The following PIAS2 variants were observed in gnomAD, a reference collection of about 807,000 sequenced individuals.
PIAS2 encodes the protein protein inhibitor of activated STAT 2, also known as E3 SUMO-protein ligase PIAS2.
Under a neutral mutation model 69.7 loss-of-function variants are expected in PIAS2, and 19 were observed. The observed-to-expected ratio is 0.27, with a 90% CI of 0.19 to 0.40. The LOEUF is 0.40. Ranked by LOEUF, PIAS2 falls within the 10% of genes least tolerant of loss-of-function variation. The probability of loss-of-function intolerance (pLI) is 1.00; values close to 1 mark genes in which losing one functional copy is unlikely to be tolerated. For synonymous variants in PIAS2, 261 were observed against 263.2 expected (o/e 0.99, Z 0.08); for missense variants, 624 against 757.0 (o/e 0.82, Z 2.06).
intron 3 of PIAS2, among the ~76,000 whole-genome samples, chr18:46,859,048 A>C (rs2032215): frequency 0.57 from 86,302 of 151,974 alleles, 25,168 homozygotes; most frequent in African/African-American, 0.7. Context: ...AATTCACTTT[A>C]TACTTAGTAT....
intron 1 of PIAS2, among the ~76,000 whole-genome samples, chr18:46,899,023 A>G (rs570688529): frequency 6.6e-6 from 1 of 152,092 alleles, no homozygotes; most frequent in African/African-American, 2.4e-5. Flanking sequence ...TGAATAAATT[A>G]AACAGACTGT....
chr18:46,898,612 A>T lies in PIAS2; in HGVS notation c.25-7558T>A, dbSNP rs542215355. ...TTTCAAATGGCTGAAAAAGAGTATTAAAAAAACCGAAGTAACACAAAAACA... is the reference window on the plus strand; with the variant it reads ...TTTCAAATGGCTGAAAAAGAGTATTTAAAAAACCGAAGTAACACAAAAACA... On this transcript the variant is annotated intron_variant, in intron 1 of 13. Transcript: ENST00000585916. 2.6e-4 allele frequency among the ~76,000 whole-genome samples: 39 copies of T among 152,334 alleles called. No homozygotes were observed. The South Asian group carries it at 8.1e-3, about 32-fold the overall frequency.
At chr18:46,865,805 C>T (rs2049358662) in intron 2 of PIAS2, among the ~76,000 whole-genome samples, 1 of 152,042 alleles carries the variant, frequency 6.6e-6, no homozygotes, top group African/African-American at 2.4e-5. Context: ...AAGATGAAGG[C>T]CAAAAAGTAA....
chr18:46,831,816 T>C lies in PIAS2; in HGVS notation c.1203-1949A>G, dbSNP rs1315014802. ...TACATAAAAATTAACTTGATAGAAA[T>C]AATAAACCTAAGTGTAAAAGTAAAT... On this transcript the variant is annotated intron_variant, in intron 9 of 13. Transcript: ENST00000585916. Among the ~76,000 whole-genome samples the C allele has an allele frequency of 3.3e-5, 5 of 152,110 alleles. No homozygotes were observed. The South Asian group carries it at 1.0e-3, about 31-fold the overall frequency.
chr18:46,899,068 T>C (rs1055091919), intron 1 of PIAS2, among the ~76,000 whole-genome samples: 5 of 150,868 alleles, frequency 3.3e-5, no homozygotes, highest in Non-Finnish European at 5.9e-5. Context: ...TACTCAACAC[T>C]GAAAAGGTAT....
At chr18:46,876,525 A>T (rs2051217229) in intron 2 of PIAS2, among the ~76,000 whole-genome samples, 1 of 152,214 alleles carries the variant, frequency 6.6e-6, no homozygotes, top group Admixed American at 6.5e-5. Context: ...AGCATTAGAC[A>T]TGATACTAGC....
At chr18:46,883,101 A>C (rs1395673677) in intron 2 of PIAS2, among the ~76,000 whole-genome samples, 2 of 151,396 alleles carry the variant, frequency 1.3e-5, no homozygotes, top group East Asian at 3.9e-4. Flanking sequence ...CCGTCTCAAA[A>C]GAAAAAAAAA....
intron 2 of PIAS2, among the ~76,000 whole-genome samples, chr18:46,874,133 A>G (rs1406178521): frequency 3.9e-5 from 6 of 152,168 alleles, no homozygotes; most frequent in Non-Finnish European, 8.8e-5. Context: ...CAAGTTACAG[A>G]TAATTGTTTA....
intron 1 of PIAS2, among the ~76,000 whole-genome samples, chr18:46,910,661 A>C (rs2057157887): frequency 6.6e-6 from 1 of 152,230 alleles, no homozygotes; most frequent in African/African-American, 2.4e-5. Flanking sequence ...TCAAAGACAA[A>C]ATCAAAGAAA....
intron 12 of PIAS2, among the ~76,000 whole-genome samples, chr18:46,819,251 A>T (rs1296492999): frequency 6.6e-6 from 1 of 152,158 alleles, no homozygotes; most frequent in Non-Finnish European, 1.5e-5. Flanking sequence ...TGTTACAGCC[A>T]TAAAAGGCAG....
At chr18:46,822,891 G>T (rs540105084) in intron 11 of PIAS2, among the ~76,000 whole-genome samples, 81 of 152,160 alleles carry the variant, frequency 5.3e-4, no homozygotes, top group Non-Finnish European at 1.1e-3. Context: ...GCAGGCTTTT[G>T]AAGACCAAAT....
At chr18:46,892,640 T>C (rs2054236441) in intron 1 of PIAS2, among the ~76,000 whole-genome samples, 2 of 151,494 alleles carry the variant, frequency 1.3e-5, no homozygotes, top group South Asian at 4.2e-4. Flanking sequence ...GCCATGGTGG[T>C]GTGTGTGCCT....
intron 13 of PIAS2, among the ~76,000 whole-genome samples, chr18:46,815,042 T>A (rs2041363267): frequency 6.6e-6 from 1 of 152,212 alleles, no homozygotes; most frequent in South Asian, 2.1e-4. Context: ...TTCTATTCAT[T>A]CTAATCATTC....
intron 12 of PIAS2, chr18:46,817,864 TA>T (rs530832478): frequency 2.3e-4 from 219 of 971,298 alleles, no homozygotes; most frequent in Admixed American, 8.0e-4. Context: ...AGCAGAATAT[TA>T]AAACTCTTAT....
At chr18:46,838,457 G>A (rs2044779715) in intron 8 of PIAS2, among the ~76,000 whole-genome samples, 1 of 152,182 alleles carries the variant, frequency 6.6e-6, no homozygotes, top group Non-Finnish European at 1.5e-5. Context: ...CTCTCTCACT[G>A]CTATACTGCC....
chr18:46,848,687 AC>A (rs1331158632), intron 5 of PIAS2, among the ~76,000 whole-genome samples: 1 of 152,126 alleles, frequency 6.6e-6, no homozygotes, highest in Non-Finnish European at 1.5e-5. Flanking sequence ...ATCATTAAAA[AC>A]GTTTGAGCAG....
intron 2 of PIAS2, among the ~76,000 whole-genome samples, chr18:46,879,380 C>T (rs1282957297): frequency 9.3e-5 from 1 of 10,700 alleles, no homozygotes; most frequent in African/African-American, 3.5e-4. Flanking sequence ...TCAGGATGGT[C>T]ACTATAAAAA....
At chr18:46,885,893 T>C (rs900940899) in intron 2 of PIAS2, among the ~76,000 whole-genome samples, 2 of 152,220 alleles carry the variant, frequency 1.3e-5, no homozygotes, top group Non-Finnish European at 2.9e-5. Flanking sequence ...ACACCAAATA[T>C]GAAAAGTTTT....
chr18:46,824,716 C>A (rs969033316), intron 11 of PIAS2, among the ~76,000 whole-genome samples: 1 of 151,794 alleles, frequency 6.6e-6, no homozygotes, highest in Non-Finnish European at 1.5e-5. Flanking sequence ...TAGTTGCTCA[C>A]AGGCCAGGCG....
Sources: gnomAD v4.1 joint callset for allele counts (sites outside exome capture counted in the v4.1 genomes callset) on GRCh38, gnomAD v4.1.1 for gene constraint, MANE v1.5 for transcripts, NCBI Gene and HGNC (gene_info 2026-07-23, HGNC 2026-07-21) for gene names.